Variants in DENND5A observed in about 807,000 individuals in gnomAD.
DENND5A encodes DENN domain-containing protein 5A.
In DENND5A, 64 loss-of-function variants were observed where a neutral mutation model predicts 140.3. The observed-to-expected ratio is 0.46, with a 90% CI of 0.37 to 0.56. The LOEUF (loss-of-function observed/expected upper bound fraction) is 0.56. DENND5A is among the 20% of genes least tolerant of loss of function. The pLI is 0.00. For missense variants in DENND5A, 1,292 were observed against 1,593.8 expected (o/e 0.81, Z 3.22); for synonymous variants, 605 against 607.7 (o/e 1.00, Z 0.07).
At chr11:9,247,790 G>C (rs1851542446) in intron 1 of DENND5A, among the ~76,000 whole-genome samples, 1 of 152,182 alleles carries the variant, frequency 6.6e-6, no homozygotes, top group South Asian at 2.1e-4. Flanking sequence ...TAATCTGCTA[G>C]ATCTGGGAAA....
intron 1 of DENND5A, among the ~76,000 whole-genome samples, chr11:9,216,832 C>T (rs1174743178): frequency 6.6e-6 from 1 of 152,130 alleles, no homozygotes; most frequent in African/African-American, 2.4e-5. Flanking sequence ...GATGGTGCTA[C>T]TGCATTCCAG....
At chr11:9,141,857 T>C in intron 22 of DENND5A, 83 bp downstream of exon 22, 1 of 1,329,880 alleles carries the variant, frequency 7.5e-7, no homozygotes, top group South Asian at 1.8e-5. Flanking sequence ...GATGAGCCAT[T>C]CCTCACCCCT....
At position 9,204,047 on chromosome 11, in the gene DENND5A, G is replaced by A; in HGVS notation, c.562C>T (p.Leu188=). ...EDGEDTPVTK[L]QRFNSYDISR... is the part of the protein sequence containing the mutation. The stretch of plus-strand genomic sequence containing the variant: ...ATGTCATAGGAGTTGAAGCGCTGCA[G>A]TTTGGTCACAGGAGTGTCTTCACCA... Residue 188 remains leucine, a synonymous_variant, in exon 4 of 23, where the codon CTG becomes TTG. Coordinates refer to ENST00000328194, the MANE Select transcript of DENND5A (RefSeq NM_015213.4). 6.2e-7 allele frequency: 1 copy of A among 1,614,182 alleles called. No homozygotes were observed. The highest frequency in any genetic ancestry group is 2.2e-5 in the East Asian group (1 of 44,886).
chr11:9,261,155 T>C (rs531240280), intron 1 of DENND5A, among the ~76,000 whole-genome samples: 20 of 152,262 alleles, frequency 1.3e-4, no homozygotes, highest in Admixed American at 1.3e-3. Context: ...CCAGCCTCCA[T>C]GTTTATTTGT....
At chr11:9,156,556 G>A (rs972518826) in intron 12 of DENND5A, among the ~76,000 whole-genome samples, 3 of 152,046 alleles carry the variant, frequency 2.0e-5, no homozygotes, top group Admixed American at 6.6e-5. Flanking sequence ...GAACCAGGGA[G>A]GTGGAGGTTG....
chr11:9,206,792 A>C lies in DENND5A; in HGVS notation c.182-10T>G, dbSNP rs967958893. On this transcript the variant is annotated splice_polypyrimidine_tract_variant and intron_variant, in intron 2 of 22. Transcript: ENST00000328194. Reference sequence around the variant, plus strand: ...TGCTCAAAATTTTCTCCTGTAAGAAAAAGAATGAAGTAAATCATTTCTACA... The same window carrying C: ...TGCTCAAAATTTTCTCCTGTAAGAACAAGAATGAAGTAAATCATTTCTACA... The C allele has an allele frequency of 6.3e-7, 1 of 1,575,914 alleles. No individual in the cohort carries two copies. Among genetic ancestry groups the C allele is most frequent in the Non-Finnish European group, 8.7e-7 (1 of 1,145,550 alleles).
intron 8 of DENND5A, among the ~76,000 whole-genome samples, chr11:9,177,315 T>C (rs983827067): frequency 1.4e-5 from 2 of 147,322 alleles, no homozygotes; most frequent in African/African-American, 5.0e-5. Context: ...ATAGCCGGCA[T>C]CAACCTTCCC....
At chr11:9,210,512 T>C (rs1330652732) in intron 1 of DENND5A, among the ~76,000 whole-genome samples, 2 of 152,208 alleles carry the variant, frequency 1.3e-5, no homozygotes, top group Admixed American at 6.5e-5. Context: ...TTATCTGTTC[T>C]GTTTTGACCA....
intron 1 of DENND5A, among the ~76,000 whole-genome samples, chr11:9,223,949 T>C (rs1288037568): frequency 3.3e-5 from 5 of 151,964 alleles, no homozygotes; most frequent in African/African-American, 1.2e-4. Context: ...CCCAGCACTT[T>C]GGGAGGCCGC....
chr11:9,185,847 T>C (rs754579818), intron 5 of DENND5A, among the ~76,000 whole-genome samples: 2 of 152,080 alleles, frequency 1.3e-5, no homozygotes, highest in Admixed American at 6.6e-5. Context: ...TGTGTGTGTA[T>C]CTGTGTCTGT....
intron 1 of DENND5A, among the ~76,000 whole-genome samples, chr11:9,260,286 A>G (rs1852139991): frequency 6.6e-6 from 1 of 152,072 alleles, no homozygotes; most frequent in Admixed American, 6.6e-5. Context: ...AATACGTCAC[A>G]AGTATTTGGG....
chr11:9,178,996 C>T lies in DENND5A; in HGVS notation c.1533G>A (p.Gln511=). Residue 511 remains glutamine (Q), a synonymous_variant, in exon 7 of 23, where the codon CAG becomes CAA. Coordinates refer to ENST00000328194, the MANE Select transcript of DENND5A (RefSeq NM_015213.4). ...AAACTTCCCGGATCTGAATGTTTAG[C>T]TGGTAAATCCTGAGTTCTTCTTCAT... ...QCDEEELRIY[Q]LNIQIREVFA... The T allele has an allele frequency of 6.2e-7, 1 of 1,614,134 alleles. No individual in the cohort carries two copies. Among genetic ancestry groups the T allele is most frequent in the Non-Finnish European group, 8.5e-7 (1 of 1,180,014 alleles).
intron 1 of DENND5A, among the ~76,000 whole-genome samples, chr11:9,239,946 T>C (rs890170113): frequency 6.6e-6 from 1 of 152,258 alleles, no homozygotes; most frequent in Non-Finnish European, 1.5e-5. Flanking sequence ...TAAGTGATTA[T>C]TAAATTAATC....
At chr11:9,260,750 G>A (rs577321045) in intron 1 of DENND5A, among the ~76,000 whole-genome samples, 1 of 152,308 alleles carries the variant, frequency 6.6e-6, no homozygotes, top group South Asian at 2.1e-4. Context: ...GAAAGGGAAA[G>A]AAGTGACAGG....
chr11:9,167,195 A>G (rs1042004324), intron 10 of DENND5A, among the ~76,000 whole-genome samples: 1 of 151,906 alleles, frequency 6.6e-6, no homozygotes, highest in African/African-American at 2.4e-5. Flanking sequence ...TTTACCCTAA[A>G]CTTCTCCCTT....
Position 9,262,526 on chromosome 11 carries a change from C to A in DENND5A, c.109+2435G>T, listed in dbSNP as rs183086748. On this transcript the variant is annotated intron_variant, in intron 1 of 22. Coordinates refer to ENST00000328194, the MANE Select transcript of DENND5A (RefSeq NM_015213.4). ...GTCATGAGAAGAGCACTGGACCAAG[C>A]AATTAACTAGTGTATACAGGCCCCA... Among the ~76,000 whole-genome samples, 10 of 152,246 alleles carry A rather than the reference C, an allele frequency of 6.6e-5. No individual in the cohort carries two copies. The East Asian group carries it at 1.5e-3, about 23-fold the overall frequency.
intron 4 of DENND5A, among the ~76,000 whole-genome samples, chr11:9,198,304 C>T (rs562560717): frequency 6.8e-4 from 103 of 151,022 alleles, no homozygotes; most frequent in African/African-American, 2.2e-3. Context: ...TTTATCACTC[C>T]ACTTTAAAAA....
rs112465171 is a variant in DENND5A, at chr11:9,241,741, G to A, written c.109+23220C>T. ...ATTAAAAGTACAACATCAGCTGGGC[G>A]CGGTGGCTCACGCCTGTAATCCCAG... On this transcript the variant is annotated intron_variant, in intron 1 of 22. Transcript: ENST00000328194. Among the ~76,000 whole-genome samples, 1,092 of 152,204 alleles carry A rather than the reference G, an allele frequency of 7.2e-3. 3 individuals carry two copies. Among genetic ancestry groups the A allele is most frequent in the African/African-American group, 0.01 (423 of 41,532 alleles).
intron 11 of DENND5A, among the ~76,000 whole-genome samples, chr11:9,162,736 T>C (rs1405101832): frequency 2.0e-5 from 3 of 152,154 alleles, no homozygotes; most frequent in Non-Finnish European, 4.4e-5. Flanking sequence ...GGTCTCTCTC[T>C]GTTGCCTAGA....
Sources: gnomAD v4.1 joint callset for allele counts (sites outside exome capture counted in the v4.1 genomes callset) on GRCh38, gnomAD v4.1.1 for gene constraint, MANE v1.5 for transcripts, NCBI Gene and HGNC (gene_info 2026-07-23, HGNC 2026-07-21) for gene names.